SCFD2: variants seen among roughly 807,000 people sequenced by gnomAD.
SCFD2 encodes the protein sec1 family domain-containing protein 2.
Under a neutral mutation model 58.9 loss-of-function variants are expected in SCFD2, and 54 were observed. The observed-to-expected ratio is 0.92, with a 90% CI of 0.74 to 1.15. SCFD2 has a LOEUF of 1.15. SCFD2 is among the 50% of genes most tolerant of loss of function. The pLI is 0.00. For synonymous variants in SCFD2, 321 were observed against 335.9 expected (o/e 0.96, Z 0.49); for missense variants, 805 against 836.6 (o/e 0.96, Z 0.47).
intron 4 of SCFD2, among the ~76,000 whole-genome samples, chr4:53,159,821 T>C (rs1476628438): frequency 6.6e-6 from 1 of 152,230 alleles, no homozygotes; most frequent in Non-Finnish European, 1.5e-5. Flanking sequence ...CGACAGCTAG[T>C]GCCCCTGGGC....
intron 5 of SCFD2, among the ~76,000 whole-genome samples, chr4:53,126,781 A>C (rs1725641641): frequency 6.6e-6 from 1 of 152,098 alleles, no homozygotes; most frequent in Non-Finnish European, 1.5e-5. Context: ...ATTCCCGAGA[A>C]CCACCGTCTC....
chr4:52,969,590 T>C (rs1721044763), intron 5 of SCFD2, among the ~76,000 whole-genome samples: 1 of 152,188 alleles, frequency 6.6e-6, no homozygotes, highest in Non-Finnish European at 1.5e-5. Context: ...TGGGTGTTAC[T>C]TCCAGACAGG....
At chr4:53,103,185 C>A (rs899517641) in intron 5 of SCFD2, among the ~76,000 whole-genome samples, 5 of 152,018 alleles carry the variant, frequency 3.3e-5, no homozygotes, top group African/African-American at 1.2e-4. Context: ...AAATCAATGT[C>A]TTGACTGGGT....
intron 5 of SCFD2, among the ~76,000 whole-genome samples, chr4:53,116,742 C>A (rs540126161): frequency 6.6e-6 from 1 of 152,272 alleles, no homozygotes; most frequent in Admixed American, 6.5e-5. Context: ...GTTGGATTTT[C>A]TTTCATATCT....
At chr4:53,204,352 A>G (rs1412150080) in intron 4 of SCFD2, among the ~76,000 whole-genome samples, 1 of 152,072 alleles carries the variant, frequency 6.6e-6, no homozygotes, top group Non-Finnish European at 1.5e-5. Flanking sequence ...TTGAAAAACT[A>G]AGAGAAAATA....
chr4:52,941,812 T>A (rs1560487884), intron 5 of SCFD2, among the ~76,000 whole-genome samples: 1 of 152,230 alleles, frequency 6.6e-6, no homozygotes, highest in South Asian at 2.1e-4. Context: ...GTATCCTTTA[T>A]CCAAAATGCT....
intron 7 of SCFD2, among the ~76,000 whole-genome samples, chr4:52,901,936 C>T (rs770361391): frequency 5.3e-5 from 8 of 152,164 alleles, no homozygotes; most frequent in East Asian, 1.9e-4. Context: ...TCTTAACTTT[C>T]GCTGCCTGCA....
At chr4:53,249,739 CAA>C (rs781433277) in intron 4 of SCFD2, among the ~76,000 whole-genome samples, 3 of 151,882 alleles carry the variant, frequency 2.0e-5, no homozygotes, top group Non-Finnish European at 4.4e-5. Context: ...AAAATACAGA[CAA>C]GCAAATGCTG....
intron 2 of SCFD2, among the ~76,000 whole-genome samples, chr4:53,326,652 T>C (rs1053349843): frequency 1.1e-4 from 17 of 152,198 alleles, no homozygotes; most frequent in African/African-American, 3.9e-4. Context: ...GAAAAAAATA[T>C]CTTCTCATTC....
intron 5 of SCFD2, among the ~76,000 whole-genome samples, chr4:53,124,756 A>C (rs1725576731): frequency 1.3e-5 from 2 of 152,214 alleles, no homozygotes; most frequent in Admixed American, 6.5e-5. Context: ...TCAGAAGAGA[A>C]AAGTGAAGAG....
chr4:53,262,344 G>T (rs1407151131), intron 4 of SCFD2, among the ~76,000 whole-genome samples: 5 of 151,974 alleles, frequency 3.3e-5, no homozygotes, highest in African/African-American at 1.2e-4. Flanking sequence ...TTGTTATATA[G>T]GTCCTTTGAC....
At chr4:53,010,683 C>T (rs1333579447) in intron 5 of SCFD2, among the ~76,000 whole-genome samples, 1 of 152,154 alleles carries the variant, frequency 6.6e-6, no homozygotes, top group Non-Finnish European at 1.5e-5. Context: ...AACAAAGAAA[C>T]ATTTTGGAAG....
At chr4:53,105,732 CT>C (rs1197526758) in intron 5 of SCFD2, among the ~76,000 whole-genome samples, 1 of 152,194 alleles carries the variant, frequency 6.6e-6, no homozygotes, top group Non-Finnish European at 1.5e-5. Context: ...GACAGTACAC[CT>C]GGGGGAAGGA....
intron 6 of SCFD2, among the ~76,000 whole-genome samples, chr4:52,912,003 C>G (rs1411376172): frequency 6.6e-6 from 1 of 152,072 alleles, no homozygotes; most frequent in Non-Finnish European, 1.5e-5. Context: ...TGCCCCTCCT[C>G]TAGACTTTTA....
chr4:53,079,557 A>G (rs1724080864), intron 5 of SCFD2, among the ~76,000 whole-genome samples: 1 of 152,214 alleles, frequency 6.6e-6, no homozygotes, highest in South Asian at 2.1e-4. Context: ...ATATTCTGCA[A>G]TTACTCTATG....
At position 53,335,142 on chromosome 4, in the gene SCFD2, G is replaced by A. The variant is rs142669157; in HGVS notation, c.1007+17456C>T. ...ACCCAGGAGGCAAAGGTTGCCGTGA[G>A]CTGAGATCATGCCACTGCATACCAG... On this transcript the variant is annotated intron_variant, in intron 2 of 8. Coordinates refer to ENST00000401642, the MANE Select transcript of SCFD2 (RefSeq NM_152540.4). Among the ~76,000 whole-genome samples, 1,276 of 135,930 alleles carry A rather than the reference G, an allele frequency of 9.4e-3. 14 individuals are homozygous for A. The highest frequency in any genetic ancestry group is 0.065 in the Middle Eastern group (14 of 216). The allele number at this position is 135,930 out of a possible 152,430, so 89.2% of individuals were successfully genotyped here.
chr4:53,348,107 T>C (rs918062389), intron 2 of SCFD2, among the ~76,000 whole-genome samples: 5 of 152,250 alleles, frequency 3.3e-5, no homozygotes, highest in African/African-American at 9.6e-5. Context: ...AGACAAGGAC[T>C]GGAAGGCCAT....
At chr4:53,062,933 G>A (rs1444485227) in intron 5 of SCFD2, among the ~76,000 whole-genome samples, 1 of 152,048 alleles carries the variant, frequency 6.6e-6, no homozygotes, top group African/African-American at 2.4e-5. Context: ...TAATTTAATA[G>A]GTGCACAGCG....
intron 2 of SCFD2, among the ~76,000 whole-genome samples, chr4:53,351,285 A>G (rs551628995): frequency 6.6e-6 from 1 of 152,186 alleles, no homozygotes; most frequent in Non-Finnish European, 1.5e-5. Context: ...TTGTTTCTAT[A>G]CTTTGGTTCA....
Sources: allele counts gnomAD v4.1 joint callset (sites outside exome capture counted in the v4.1 genomes callset), GRCh38; gene constraint gnomAD v4.1.1; transcripts MANE v1.5; gene names NCBI Gene and HGNC (gene_info 2026-07-23, HGNC 2026-07-21).